Variants in NRG1 observed in about 807,000 individuals in gnomAD.
NRG1 encodes the protein neuregulin 1, also known as pro-neuregulin-1, membrane-bound isoform.
NRG1 carries 18 observed loss-of-function variants against 63.8 expected under a neutral mutation model. That is an observed-to-expected ratio of 0.28 (90% CI 0.19 to 0.42). NRG1 has a LOEUF of 0.42. Ranked by LOEUF, NRG1 falls within the 10% of genes least tolerant of loss-of-function variation. The probability of loss-of-function intolerance (pLI) is 1.00; values close to 1 mark genes in which losing one functional copy is unlikely to be tolerated. For missense variants in NRG1, 762 were observed against 814.7 expected, an observed-to-expected ratio of 0.94 and a Z score of 0.79; for synonymous variants, 302 against 301.3, an observed-to-expected ratio of 1.00 and a Z score of -0.02.
Position 32,748,330 on chromosome 8 carries a change from C to CGT in NRG1, c.691+5598_691+5599insTG, listed in dbSNP as rs1208072845. Among the ~76,000 whole-genome samples, 588 of 81,500 alleles carry CGT rather than the reference C, an allele frequency of 7.2e-3. 5 individuals are homozygous for CGT. The highest frequency in any genetic ancestry group is 0.026 in the African/African-American group (536 of 20,796). 53.5% of individuals were successfully genotyped at this position (81,500 alleles called of 152,430 possible). On this transcript the variant is annotated intron_variant, in intron 7 of 11. Transcript: ENST00000356819. ...CCACACACATAGGCGCATGTACACG[C>CGT]GCGCGCGCGCACACACACACACACA...
At chr8:32,743,348 C>G in intron 7 of NRG1, 1 of 411,836 alleles carries the variant, frequency 2.4e-6, no homozygotes, top group Non-Finnish European at 3.3e-6. Flanking sequence ...CTTCTGTTTA[C>G]GTTGCTTAGG....
In NRG1 at chr8:31,644,789, G is replaced by T. The variant is rs187390154; in HGVS notation, c.37+5358G>T. ...ACATTTCAATGACAATTTATGAACT[G>T]CTTAGATATCCAAAGATCTCTAAAT... On this transcript the variant is annotated intron_variant, in intron 1 of 10. Coordinates refer to the NRG1 transcript ENST00000519301. Among the ~76,000 whole-genome samples, 9 of 151,778 alleles carry T rather than the reference G, an allele frequency of 5.9e-5. No individual in the cohort carries two copies. The East Asian group carries it at 1.5e-3, about 26-fold the overall frequency.
At chr8:31,806,825 A>G (rs1479735881) in intron 1 of NRG1, among the ~76,000 whole-genome samples, 3 of 152,204 alleles carry the variant, frequency 2.0e-5, no homozygotes, top group African/African-American at 7.2e-5. Context: ...TAATAAGACC[A>G]ACCCATTAAT....
chr8:32,526,842 C>T (rs569679218), intron 1 of NRG1, among the ~76,000 whole-genome samples: 56 of 152,310 alleles, frequency 3.7e-4, no homozygotes, highest in African/African-American at 1.3e-3. Flanking sequence ...GACTCACAGG[C>T]TCCTTTGTTC....
intron 5 of NRG1, among the ~76,000 whole-genome samples, chr8:32,680,164 G>A (rs1376041364): frequency 6.6e-6 from 1 of 152,124 alleles, no homozygotes; most frequent in African/African-American, 2.4e-5. Context: ...TCTGATGATG[G>A]CTGGTTGACT....
At chr8:31,738,809 G>C (rs1171051636) in intron 1 of NRG1, among the ~76,000 whole-genome samples, 1 of 152,056 alleles carries the variant, frequency 6.6e-6, no homozygotes, top group Non-Finnish European at 1.5e-5. Flanking sequence ...GTGTCTCCCT[G>C]TATGTCTCTG....
intron 5 of NRG1, among the ~76,000 whole-genome samples, chr8:32,628,344 G>A (rs1487007368): frequency 1.3e-5 from 2 of 152,034 alleles, no homozygotes; most frequent in South Asian, 2.1e-4. Flanking sequence ...TTCCTCTGTT[G>A]TTCTCATACC....
intron 1 of NRG1, among the ~76,000 whole-genome samples, chr8:32,162,298 C>A (rs930289704): frequency 2.6e-4 from 39 of 152,208 alleles, no homozygotes; most frequent in African/African-American, 8.7e-4. Context: ...CTAAAAATTG[C>A]TGAAATATTG....
chr8:31,659,329 C>G (rs1430552960), intron 1 of NRG1, among the ~76,000 whole-genome samples: 3 of 152,110 alleles, frequency 2.0e-5, no homozygotes, highest in Non-Finnish European at 2.9e-5. Context: ...ATAGCATGAC[C>G]TTTCTGAATG....
At chr8:32,569,422 C>T (rs367920105) in intron 1 of NRG1, among the ~76,000 whole-genome samples, 1 of 152,282 alleles carries the variant, frequency 6.6e-6, no homozygotes, top group East Asian at 1.9e-4. Context: ...TCTGATGGTT[C>T]ACTTTAGTGA....
chr8:32,016,331 G>A (rs555874660), intron 1 of NRG1, among the ~76,000 whole-genome samples: 1 of 152,148 alleles, frequency 6.6e-6, no homozygotes, highest in Non-Finnish European at 1.5e-5. Flanking sequence ...CCAAAGTGCT[G>A]GGATTACAGG....
chr8:31,816,234 A>G (rs755488802), intron 1 of NRG1, among the ~76,000 whole-genome samples: 6 of 152,150 alleles, frequency 3.9e-5, no homozygotes, highest in African/African-American at 7.2e-5. Flanking sequence ...ACCTCAACTG[A>G]GGCTGGGGAT....
chr8:32,617,501 A>G (rs931611100), intron 5 of NRG1, among the ~76,000 whole-genome samples: 48 of 152,320 alleles, frequency 3.2e-4, no homozygotes, highest in Admixed American at 1.5e-3. Flanking sequence ...GTTTTGTGCT[A>G]TGTCGGGGGA....
intron 1 of NRG1, among the ~76,000 whole-genome samples, chr8:32,125,597 T>C (rs1032031433): frequency 4.6e-5 from 7 of 151,928 alleles, no homozygotes; most frequent in African/African-American, 1.7e-4. Context: ...AACAGCCTGA[T>C]AATCTGATCC....
intron 1 of NRG1, among the ~76,000 whole-genome samples, chr8:32,324,171 A>G (rs1057313655): frequency 5.9e-5 from 9 of 152,112 alleles, no homozygotes; most frequent in Admixed American, 6.6e-5. Flanking sequence ...CACTGTTTGC[A>G]AAGGCCAGGC....
chr8:31,835,203 C>T (rs753222289), intron 1 of NRG1, among the ~76,000 whole-genome samples: 1 of 152,160 alleles, frequency 6.6e-6, no homozygotes, highest in Non-Finnish European at 1.5e-5. Flanking sequence ...TTTTACAAAA[C>T]AGGACTCGTT....
chr8:32,486,137 G>A (rs1825867016), intron 1 of NRG1, among the ~76,000 whole-genome samples: 1 of 151,984 alleles, frequency 6.6e-6, no homozygotes, highest in African/African-American at 2.4e-5. Context: ...TTGCCGTGTT[G>A]GCCAGGCTGG....
chr8:32,203,407 G>C lies in NRG1; in HGVS notation c.38-392421G>C, dbSNP rs574035559. Among the ~76,000 whole-genome samples, 8 of 151,434 alleles carry C rather than the reference G, an allele frequency of 5.3e-5. No individual in the cohort carries two copies. The South Asian group carries it at 6.3e-4, about 12-fold the overall frequency. On this transcript the variant is annotated intron_variant, in intron 1 of 10. Coordinates refer to the NRG1 transcript ENST00000519301. ...CTTATTTTTTTTTTCTTTTTAGACAGAGCCTCACTTTGTCTGGAGTGCAGT... is the reference window on the plus strand; with the variant it reads ...CTTATTTTTTTTTTCTTTTTAGACACAGCCTCACTTTGTCTGGAGTGCAGT...
At chr8:32,454,939 T>C (rs1183358127) in intron 1 of NRG1, among the ~76,000 whole-genome samples, 2 of 152,224 alleles carry the variant, frequency 1.3e-5, no homozygotes, top group Non-Finnish European at 2.9e-5. Flanking sequence ...TAGATAAGTT[T>C]AGATGTATAA....
Sources: gnomAD v4.1 joint callset for allele counts (sites outside exome capture counted in the v4.1 genomes callset) on GRCh38, gnomAD v4.1.1 for gene constraint, MANE v1.5 for transcripts, NCBI Gene and HGNC (gene_info 2026-07-23, HGNC 2026-07-21) for gene names.